Variants in RUSC2 observed in about 807,000 individuals in gnomAD.
The protein encoded by RUSC2 is RUN and SH3 domain containing 2.
RUSC2 carries 34 observed loss-of-function variants against 122.2 expected under a neutral mutation model. That is an observed-to-expected ratio of 0.28 (90% CI 0.21 to 0.37). RUSC2 has a LOEUF of 0.37. RUSC2 is among the 10% of genes least tolerant of loss of function. RUSC2 has a pLI of 1.00. For missense variants in RUSC2, 1,747 were observed against 1,952.4 expected, an observed-to-expected ratio of 0.89 and a Z score of 1.98; for synonymous variants, 784 against 790.0, an observed-to-expected ratio of 0.99 and a Z score of 0.13.
chr9:35,510,108 T>C (rs1035694045), intron 1 of RUSC2, among the ~76,000 whole-genome samples: 1 of 152,182 alleles, frequency 6.6e-6, no homozygotes, highest in African/African-American at 2.4e-5. Context: ...ATATGTAATA[T>C]AAAAATAGGT....
rs890159713 is a variant in RUSC2 at position 35,536,642 on chromosome 9, G to A, written c.-92-9788G>A. On this transcript the variant is annotated intron_variant, in intron 1 of 11. Transcript: ENST00000361226. ...AGCCTGGCCAACATGGCAAAACCCC[G>A]TCTCTTCTAAAAGTAAAAAACTTAG... 7.9e-5 allele frequency among the ~76,000 whole-genome samples: 12 copies of A among 151,752 alleles called. No individual in the cohort carries two copies. The South Asian group carries it at 8.3e-4, about 11-fold the overall frequency.
At chr9:35,544,461 C>T (rs1166488821) in intron 1 of RUSC2, among the ~76,000 whole-genome samples, 1 of 152,060 alleles carries the variant, frequency 6.6e-6, no homozygotes, top group African/African-American at 2.4e-5. Context: ...GCATGCACTA[C>T]CACGCCCAGC....
intron 1 of RUSC2, among the ~76,000 whole-genome samples, chr9:35,505,108 G>A (rs1820889413): frequency 6.6e-6 from 1 of 152,100 alleles, no homozygotes; most frequent in Non-Finnish European, 1.5e-5. Flanking sequence ...ATTCACACAA[G>A]TTCTTTACAC....
At chr9:35,556,545 C>CTGGGCCCTCTAAGTGCTGGT in intron 5 of RUSC2, 97 bp downstream of exon 5, 1 of 1,331,136 alleles carries the variant, frequency 7.5e-7, no homozygotes, top group Non-Finnish European at 1.0e-6. Context: ...TAAGTGCTGG[C>CTGGGCCCTCTAAGTGCTGGT]TGGGCCCAGT....
chr9:35,520,074 T>G (rs1821183967), intron 1 of RUSC2, among the ~76,000 whole-genome samples: 1 of 152,210 alleles, frequency 6.6e-6, no homozygotes, highest in African/African-American at 2.4e-5. Context: ...TACTCTCACT[T>G]TAGTCTTACA....
In RUSC2 at chr9:35,495,748, C is replaced by G. The variant is rs1320123062; in HGVS notation, c.-93+5576C>G. Among the ~76,000 whole-genome samples the G allele has an allele frequency of 2.0e-5, 3 of 152,106 alleles. No individual in the cohort carries two copies. The East Asian group carries it at 5.8e-4, about 29-fold the overall frequency. The stretch of plus-strand genomic sequence containing the variant: ...GATAGGGATTGTATTGAATCTCTAG[C>G]TGACTTTGGGTAATACTGACACCTC... On this transcript the variant is annotated intron_variant, in intron 1 of 11. Transcript: ENST00000361226.
At chr9:35,524,932 C>A (rs893728100) in intron 1 of RUSC2, among the ~76,000 whole-genome samples, 6 of 151,202 alleles carry the variant, frequency 4.0e-5, no homozygotes, top group African/African-American at 1.2e-4. Context: ...GATCGCACCA[C>A]TGCACTCCAG....
In RUSC2 at chr9:35,555,163, G is replaced by A; in HGVS notation, c.2118G>A (p.Gln706=). 1 of 1,613,688 alleles carries A rather than the reference G, an allele frequency of 6.2e-7. No homozygotes were observed. The highest frequency in any genetic ancestry group is 8.5e-7 in the Non-Finnish European group (1 of 1,180,014). The part of the protein sequence containing the change: ...PFVFQHHFPK[Q]LAKARALHSL... ...TGTTCCAGCACCACTTCCCCAAGCA[G>A]CTGGCCAAGGCCCGGGCCCTCCACA... The change falls in exon 3 of 12, where the codon CAG becomes CAA. Residue 706 remains glutamine (Q), a synonymous_variant. Coordinates refer to ENST00000361226, the MANE Select transcript of RUSC2 (RefSeq NM_014806.5). This position sits in a 1 kb window ranked among gnomAD's most constrained non-coding sequence, Gnocchi z 4.6.
chr9:35,515,627 T>C (rs894630696), intron 1 of RUSC2, among the ~76,000 whole-genome samples: 20 of 152,304 alleles, frequency 1.3e-4, no homozygotes, highest in Non-Finnish European at 2.5e-4. Context: ...AAAGTTTATC[T>C]CTGCAAGATC....
At chr9:35,536,629 A>G (rs1050030626) in intron 1 of RUSC2, among the ~76,000 whole-genome samples, 4 of 151,986 alleles carry the variant, frequency 2.6e-5, no homozygotes, top group Non-Finnish European at 5.9e-5. Flanking sequence ...CCTGGCCAAC[A>G]TGGCAAAACC....
chr9:35,494,890 CTTG>C (rs1301325940), intron 1 of RUSC2, among the ~76,000 whole-genome samples: 1 of 136,750 alleles, frequency 7.3e-6, no homozygotes, highest in Non-Finnish European at 1.5e-5. Flanking sequence ...CCTCTGTTTT[CTTG>C]TTTTTTATAT....
In RUSC2 at chr9:35,548,559, A is replaced by G; in HGVS notation, c.2014+24A>G. On this transcript the variant is annotated intron_variant, in intron 2 of 11. Transcript: ENST00000361226. The surrounding 1 kb of genome is among the most constrained non-coding windows in gnomAD (Gnocchi z 4.5). ...CGGTAAGGAGCCTAAGGGTTAGCAA[A>G]TATGTGGCTATTCACCAGCAGGATA... The G allele has an allele frequency of 6.4e-7, 1 of 1,572,378 alleles. No individual in the cohort carries two copies.
intron 1 of RUSC2, among the ~76,000 whole-genome samples, chr9:35,541,403 A>T (rs1215159754): frequency 6.6e-6 from 1 of 151,456 alleles, no homozygotes; most frequent in African/African-American, 2.4e-5. Flanking sequence ...AGCCTGAGAT[A>T]CGCTCTCAGT....
Position 35,555,825 on chromosome 9 carries a change from C to G in RUSC2, c.2656+124C>G. On this transcript the variant is annotated intron_variant, in intron 3 of 11. Transcript: ENST00000361226. The surrounding 1 kb of genome is among the most constrained non-coding windows in gnomAD (Gnocchi z 4.6). The stretch of plus-strand genomic sequence containing the variant: ...GAGGTTAGGATGTCTGCATCCCTCC[C>G]TCAGCATCTGTAGATAATATCCACA... 3 of 1,464,072 alleles carry G rather than the reference C, an allele frequency of 2.0e-6. No homozygotes were observed. Among genetic ancestry groups the G allele is most frequent in the Non-Finnish European group, 2.8e-6 (3 of 1,085,860 alleles). The allele number at this position is 1,464,072 out of a possible 1,614,324, so 90.7% of individuals were successfully genotyped here.
At chr9:35,534,384 G>A (rs1392699004) in intron 1 of RUSC2, among the ~76,000 whole-genome samples, 1 of 150,722 alleles carries the variant, frequency 6.6e-6, no homozygotes, top group African/African-American at 2.4e-5. Context: ...GGACCAGCCT[G>A]GGCAACAGAG....
intron 5 of RUSC2, among the ~76,000 whole-genome samples, chr9:35,556,770 T>C (rs1020308791): frequency 2.2e-4 from 34 of 152,276 alleles, no homozygotes; most frequent in African/African-American, 7.9e-4. Flanking sequence ...GAGGTTGCAG[T>C]GAGCCAAGAT....
rs544096152 is a variant in RUSC2 at position 35,555,286 on chromosome 9, A to C, written c.2241A>C (p.Ser747=). 1.9e-6 allele frequency: 3 copies of C among 1,613,562 alleles called. No homozygotes were observed. The highest frequency in any genetic ancestry group is 1.7e-5 in the Admixed American group (1 of 60,002). The part of the protein sequence containing the change: ...PAAQVSVPAP[S]GEPQASTPRA... ...CTCAAGTCTCAGTCCCAGCTCCCTC[A>C]GGGGAACCGCAGGCATCCACTCCCC... Residue 747 remains serine, a synonymous_variant, in exon 3 of 12, where the codon TCA becomes TCC. Coordinates refer to ENST00000361226, the MANE Select transcript of RUSC2 (RefSeq NM_014806.5). The surrounding 1 kb of genome is among the most constrained non-coding windows in gnomAD (Gnocchi z 4.6).
chr9:35,553,414 A>G (rs1409697778), intron 2 of RUSC2, among the ~76,000 whole-genome samples: 1 of 152,238 alleles, frequency 6.6e-6, no homozygotes, highest in Non-Finnish European at 1.5e-5. Context: ...AGTGAACAAT[A>G]TAAAATCCCC....
At chr9:35,516,314 C>T (rs982661992) in intron 1 of RUSC2, among the ~76,000 whole-genome samples, 1 of 152,006 alleles carries the variant, frequency 6.6e-6, no homozygotes, top group Non-Finnish European at 1.5e-5. Flanking sequence ...GCCTCTCATC[C>T]ATATTTACTG....
Sources: allele counts gnomAD v4.1 joint callset (sites outside exome capture counted in the v4.1 genomes callset), GRCh38; gene constraint gnomAD v4.1.1; non-coding constraint Gnocchi (gnomAD v3.1); transcripts MANE v1.5; gene names NCBI Gene and HGNC (gene_info 2026-07-23, HGNC 2026-07-21).